TOX: variants seen among roughly 807,000 people sequenced by gnomAD.
TOX encodes thymocyte selection-associated high mobility group box protein TOX.
In TOX, 11 loss-of-function variants were observed where a neutral mutation model predicts 53.7. The observed-to-expected ratio is 0.20, with a 90% confidence interval of 0.13 to 0.34. The LOEUF (loss-of-function observed/expected upper bound fraction) is 0.34, where lower values mean the gene tolerates loss of function less well. TOX is among the 10% of genes least tolerant of loss of function. The pLI, the probability that TOX is intolerant of heterozygous loss-of-function variation, is 1.00. For synonymous variants in TOX, 225 were observed against 245.3 expected, an observed-to-expected ratio of 0.92 and a Z score of 0.77; for missense variants, 570 against 664.6, an observed-to-expected ratio of 0.86 and a Z score of 1.56.
rs867902282 is a variant in TOX, at chr8:59,049,541, G to C, written c.102+69345C>G. On this transcript the variant is annotated intron_variant, in intron 1 of 8. Coordinates refer to ENST00000361421, the MANE Select transcript of TOX (RefSeq NM_014729.3). Reference sequence around the variant, plus strand: ...AATATTAGAAACTGGATTTTTTTTCGAACATTCTTCATTGAATAAGACAAC... The same window carrying C: ...AATATTAGAAACTGGATTTTTTTTCCAACATTCTTCATTGAATAAGACAAC... 5.3e-5 allele frequency among the ~76,000 whole-genome samples: 8 copies of C among 151,286 alleles called. No individual in the cohort carries two copies. In the South Asian group the frequency reaches 6.3e-4, roughly 12 times the overall value.
intron 1 of TOX, among the ~76,000 whole-genome samples, chr8:58,972,771 T>G (rs1373812178): frequency 6.6e-6 from 1 of 152,226 alleles, no homozygotes; most frequent in Non-Finnish European, 1.5e-5. Context: ...AATTACATTA[T>G]TAATAACTTT....
intron 3 of TOX, among the ~76,000 whole-genome samples, chr8:58,938,011 A>G (rs1188730840): frequency 6.6e-6 from 1 of 152,188 alleles, no homozygotes; most frequent in African/African-American, 2.4e-5. Flanking sequence ...CTCATAAGCT[A>G]AATCTATACA....
At chr8:59,061,550 A>G (rs994870552) in intron 1 of TOX, among the ~76,000 whole-genome samples, 3 of 152,178 alleles carry the variant, frequency 2.0e-5, no homozygotes, top group South Asian at 4.1e-4. Context: ...TTTATCTGGT[A>G]AAAATCCCCT....
At chr8:58,826,373 G>T (rs948954243) in intron 6 of TOX, among the ~76,000 whole-genome samples, 2 of 152,164 alleles carry the variant, frequency 1.3e-5, no homozygotes, top group African/African-American at 4.8e-5. Context: ...ATATTTTTAA[G>T]CGGTGTTTTT....
At chr8:59,032,765 T>G (rs34619285) in intron 1 of TOX, among the ~76,000 whole-genome samples, 8 of 151,976 alleles carry the variant, frequency 5.3e-5, no homozygotes, top group African/African-American at 1.7e-4. Flanking sequence ...TTTGGGAGGC[T>G]GAGGCAGGTA....
rs1375026046 is a variant in TOX, at chr8:59,021,479, A to ATATATAT, written c.103-61472_103-61471insATATATA. On this transcript the variant is annotated intron_variant, in intron 1 of 8. Transcript: ENST00000361421. ...TTCTACAAGCAAAAAAAAAAAAAAA[A>ATATATAT]AAATATATATATATATATATGCACA... is the stretch of plus-strand genomic sequence containing the variant. Among the ~76,000 whole-genome samples the ATATATAT allele has an allele frequency of 5.5e-3, 353 of 64,568 alleles. 2 individuals carry two copies. Among genetic ancestry groups the ATATATAT allele is most frequent in the East Asian group, 0.045 (112 of 2,502 alleles). The allele number at this position is 64,568 out of a possible 152,430, so 42.4% of individuals were successfully genotyped here. A position where few individuals can be genotyped will look rare whatever the true frequency, so the allele number is the denominator to read the frequency against.
intron 3 of TOX, among the ~76,000 whole-genome samples, chr8:58,888,258 C>T (rs1034102386): frequency 6.6e-6 from 1 of 151,872 alleles, no homozygotes. Flanking sequence ...TTTAAAGTCT[C>T]CAACCAGATA....
intron 3 of TOX, among the ~76,000 whole-genome samples, chr8:58,903,973 T>C (rs1006362724): frequency 1.3e-5 from 2 of 152,198 alleles, no homozygotes; most frequent in Non-Finnish European, 2.9e-5. Flanking sequence ...TGGTAGAGGT[T>C]AGATGAGCAA....
rs1812838273 is a variant in TOX, at chr8:58,963,473, G to A, written c.103-3465C>T. Among the ~76,000 whole-genome samples the A allele has an allele frequency of 2.0e-5, 3 of 152,154 alleles. No individual in the cohort carries two copies. In the South Asian group the frequency reaches 6.2e-4, roughly 32 times the overall value. ...GGATATTCAGAACTCCTCCAAAAGT[G>A]TATTTCTGGGGAGCCTACAATATAC... is the stretch of plus-strand genomic sequence containing the variant. On this transcript the variant is annotated intron_variant, in intron 1 of 8. Transcript: ENST00000361421.
At chr8:59,085,300 T>C (rs1268493660) in intron 1 of TOX, among the ~76,000 whole-genome samples, 4 of 152,270 alleles carry the variant, frequency 2.6e-5, no homozygotes, top group African/African-American at 7.2e-5. Context: ...TCATCTACAT[T>C]AACTATTAAG....
chr8:59,095,437 C>T (rs1198907122), intron 1 of TOX, among the ~76,000 whole-genome samples: 1 of 152,278 alleles, frequency 6.6e-6, no homozygotes, highest in South Asian at 2.1e-4. Flanking sequence ...GATGAAGTCT[C>T]GCTCTGTCGC....
chr8:59,063,517 G>A (rs972644269), intron 1 of TOX, among the ~76,000 whole-genome samples: 7 of 147,496 alleles, frequency 4.7e-5, no homozygotes, highest in African/African-American at 1.3e-4. Flanking sequence ...TCCGCCTCCC[G>A]GGTTCAAGTG....
At chr8:58,844,483 G>A (rs1429642382) in intron 4 of TOX, among the ~76,000 whole-genome samples, 1 of 152,060 alleles carries the variant, frequency 6.6e-6, no homozygotes, top group Non-Finnish European at 1.5e-5. Context: ...ACCATATAAT[G>A]CACAAATGTG....
intron 3 of TOX, among the ~76,000 whole-genome samples, chr8:58,857,926 C>G (rs969388450): frequency 1.3e-5 from 2 of 152,084 alleles, no homozygotes; most frequent in Admixed American, 6.6e-5. Context: ...TGTGCCACAA[C>G]ACCCAGCTAC....
intron 2 of TOX, among the ~76,000 whole-genome samples, chr8:58,942,373 C>T (rs10109969): frequency 0.94 from 143,386 of 152,272 alleles, 67,552 homozygotes; most frequent in East Asian, 1. Flanking sequence ...ATTCAGACAA[C>T]TATACACCAA....
At chr8:58,934,502 A>C (rs959931490) in intron 3 of TOX, among the ~76,000 whole-genome samples, 2 of 152,208 alleles carry the variant, frequency 1.3e-5, no homozygotes, top group African/African-American at 4.8e-5. Context: ...AAACAAGTGA[A>C]ACTGAGGCAC....
chr8:58,851,627 C>A lies in TOX; in HGVS notation c.590G>T (p.Gly197Val), dbSNP rs200202859. The A allele has an allele frequency of 1.7e-4, 273 of 1,613,442 alleles. No individual in the cohort carries two copies. The highest frequency in any genetic ancestry group is 2.2e-4 in the Non-Finnish European group (259 of 1,179,770). ...LSAQLGLNMG[G>V]SNVPHNSPSP... Reference sequence around the variant, plus strand: ...TGGTGAGTTGTGGGGAACATTGCTTCCTCCCATATTCAAACCAAGTTGAGC... The same window carrying A: ...TGGTGAGTTGTGGGGAACATTGCTTACTCCCATATTCAAACCAAGTTGAGC... Residue 197 changes from glycine to valine, a missense_variant, in exon 4 of 9, where the codon GGA becomes GTA. Transcript: ENST00000361421. The surrounding 1 kb of genome is among the most constrained non-coding windows in gnomAD (Gnocchi z 4.4).
intron 1 of TOX, among the ~76,000 whole-genome samples, chr8:59,108,671 C>CAT (rs1267854898): frequency 1.3e-5 from 2 of 150,340 alleles, no homozygotes; most frequent in Non-Finnish European, 2.9e-5. Flanking sequence ...CACACACACA[C>CAT]ACACACACAC....
intron 1 of TOX, among the ~76,000 whole-genome samples, chr8:58,979,475 T>C (rs1813161353): frequency 6.6e-6 from 1 of 152,244 alleles, no homozygotes; most frequent in African/African-American, 2.4e-5. Flanking sequence ...GTCTCAGTGA[T>C]CTAATTTGTT....
Sources: allele counts gnomAD v4.1 joint callset (sites outside exome capture counted in the v4.1 genomes callset), GRCh38; gene constraint gnomAD v4.1.1; non-coding constraint Gnocchi (gnomAD v3.1); transcripts MANE v1.5; gene names NCBI Gene and HGNC (gene_info 2026-07-23, HGNC 2026-07-21).